Variants in GNA14 observed in about 807,000 individuals in gnomAD.
The protein encoded by GNA14 is G protein subunit alpha 14, also known as guanine nucleotide-binding protein subunit alpha-14.
A neutral mutation model predicts 42.0 loss-of-function variants in GNA14; 50 were observed. The ratio of observed to expected loss-of-function variants is 1.19; its 90% CI spans 0.95 to 1.51. The LOEUF is 1.51. Ranked by LOEUF, GNA14 falls within the 40% of genes most tolerant of loss-of-function variation. GNA14 has a pLI of 0.00. For missense variants in GNA14, 473 were observed against 446.2 expected, an observed-to-expected ratio of 1.06 and a Z score of -0.54; for synonymous variants, 173 against 163.1, an observed-to-expected ratio of 1.06 and a Z score of -0.46.
intron 1 of GNA14, among the ~76,000 whole-genome samples, chr9:77,616,576 C>G (rs1254641009): frequency 2.0e-5 from 3 of 152,310 alleles, no homozygotes; most frequent in South Asian, 2.1e-4. Context: ...GTATTACACA[C>G]GAGGTACAGG....
chr9:77,491,553 A>G (rs996851487), intron 2 of GNA14, among the ~76,000 whole-genome samples: 2 of 152,208 alleles, frequency 1.3e-5, no homozygotes, highest in Non-Finnish European at 2.9e-5. Context: ...AAAGACTGTA[A>G]AAAGAGACAA....
chr9:77,636,762 G>A (rs1395272772), intron 1 of GNA14, among the ~76,000 whole-genome samples: 1 of 152,154 alleles, frequency 6.6e-6, no homozygotes, highest in East Asian at 1.9e-4. Context: ...GATCTGACCC[G>A]ACGACCTAAA....
In GNA14 at chr9:77,597,931, G is replaced by A. The variant is rs79583113; in HGVS notation, c.124+49739C>T. ...ATACAAAAATTAGCTGGGCGTGGTG[G>A]TGCATGCTGAGACAGGAGAATAGCT... is the stretch of plus-strand genomic sequence containing the variant. On this transcript the variant is annotated intron_variant, in intron 1 of 6. Coordinates refer to ENST00000341700, the MANE Select transcript of GNA14 (RefSeq NM_004297.4). Among the ~76,000 whole-genome samples the A allele has an allele frequency of 8.7e-4, 132 of 152,180 alleles. 2 individuals are homozygous for A. In the East Asian group the frequency reaches 0.02, roughly 24 times the overall value.
At chr9:77,527,269 G>T (rs1837454306) in intron 2 of GNA14, among the ~76,000 whole-genome samples, 1 of 152,140 alleles carries the variant, frequency 6.6e-6, no homozygotes, top group Non-Finnish European at 1.5e-5. Flanking sequence ...AAAAAGAACT[G>T]TACCTTTTCA....
chr9:77,555,665 A>G (rs571457316), intron 1 of GNA14, among the ~76,000 whole-genome samples: 1 of 152,294 alleles, frequency 6.6e-6, no homozygotes, highest in South Asian at 2.1e-4. Context: ...GTCAAAACTA[A>G]AGAGTTGGAG....
At chr9:77,552,143 A>AG (rs1564051971) in intron 1 of GNA14, among the ~76,000 whole-genome samples, 1 of 150,394 alleles carries the variant, frequency 6.6e-6, no homozygotes, top group African/African-American at 2.5e-5. Context: ...AAAAAAAAAA[A>AG]AAAGAAAAAG....
At chr9:77,430,086 C>A (rs958101901) in intron 4 of GNA14, among the ~76,000 whole-genome samples, 3 of 152,170 alleles carry the variant, frequency 2.0e-5, no homozygotes, top group African/African-American at 7.2e-5. Context: ...CAGCCACTCC[C>A]ACAATGACAT....
At chr9:77,616,207 G>C (rs182235543) in intron 1 of GNA14, among the ~76,000 whole-genome samples, 63 of 152,268 alleles carry the variant, frequency 4.1e-4, no homozygotes, top group African/African-American at 1.4e-3. Flanking sequence ...AAGAGATCAA[G>C]GACATCAACA....
At chr9:77,537,460 A>G (rs1837611806) in intron 1 of GNA14, among the ~76,000 whole-genome samples, 1 of 152,072 alleles carries the variant, frequency 6.6e-6, no homozygotes, top group Non-Finnish European at 1.5e-5. Context: ...TATATACCAC[A>G]CTTTCTTTAT....
At chr9:77,444,479 A>C (rs995700062) in intron 2 of GNA14, among the ~76,000 whole-genome samples, 1 of 152,074 alleles carries the variant, frequency 6.6e-6, no homozygotes, top group Admixed American at 6.6e-5. Context: ...TGCAGGTTCC[A>C]CTTCATCCCC....
At chr9:77,641,862 A>G (rs1824272959) in intron 1 of GNA14, among the ~76,000 whole-genome samples, 1 of 152,174 alleles carries the variant, frequency 6.6e-6, no homozygotes, top group Non-Finnish European at 1.5e-5. Context: ...GATTATCCCT[A>G]TTTTTAGAAA....
rs200262758 is a variant in GNA14 at position 77,528,144 on chromosome 9, C to CAT, written c.309+923_309+924dup. Among the ~76,000 whole-genome samples the CAT allele has an allele frequency of 9.7e-3, 1,480 of 152,066 alleles. 34 individuals carry two copies. The highest frequency in any genetic ancestry group is 0.033 in the African/African-American group (1,354 of 41,444). ...TGATTGCTTTAAAACTTTTTTTAAT[C>CAT]ATATATATATGAGTATAGGTGCCAC... is the stretch of plus-strand genomic sequence containing the variant. On this transcript the variant is annotated intron_variant, in intron 2 of 6. Transcript: ENST00000341700.
At chr9:77,569,744 G>C (rs1004116376) in intron 1 of GNA14, among the ~76,000 whole-genome samples, 1 of 151,844 alleles carries the variant, frequency 6.6e-6, no homozygotes. Flanking sequence ...AGGGTAGTAG[G>C]GATATGTTTT....
intron 1 of GNA14, among the ~76,000 whole-genome samples, chr9:77,535,204 T>C (rs1174344684): frequency 6.6e-6 from 1 of 152,192 alleles, no homozygotes; most frequent in East Asian, 1.9e-4. Flanking sequence ...AGCAGGAGTT[T>C]CTGCACCTGT....
At chr9:77,606,973 A>C (rs1587846037) in intron 1 of GNA14, among the ~76,000 whole-genome samples, 2 of 152,206 alleles carry the variant, frequency 1.3e-5, no homozygotes, top group East Asian at 3.9e-4. Flanking sequence ...CAGGCAATGC[A>C]AGCCAGGGAG....
At chr9:77,508,580 C>T (rs879760926) in intron 2 of GNA14, among the ~76,000 whole-genome samples, 21 of 152,154 alleles carry the variant, frequency 1.4e-4, no homozygotes, top group Admixed American at 8.5e-4. Context: ...TATATGTGTG[C>T]GTGAGTGTAT....
At chr9:77,472,740 C>G (rs1836353193) in intron 2 of GNA14, among the ~76,000 whole-genome samples, 1 of 151,828 alleles carries the variant, frequency 6.6e-6, no homozygotes, top group African/African-American at 2.4e-5. Flanking sequence ...GAGAGTGGTG[C>G]CGTCACGATG....
intron 1 of GNA14, among the ~76,000 whole-genome samples, chr9:77,604,813 G>T (rs950989289): frequency 1.3e-5 from 2 of 152,202 alleles, no homozygotes; most frequent in African/African-American, 4.8e-5. Context: ...CGTAAACCCC[G>T]AAGATGCTAC....
At chr9:77,474,610 A>C (rs969784374) in intron 2 of GNA14, among the ~76,000 whole-genome samples, 1 of 152,224 alleles carries the variant, frequency 6.6e-6, no homozygotes, top group Admixed American at 6.5e-5. Context: ...CTAGTTAAGC[A>C]TAATTACTAA....
Sources: allele counts gnomAD v4.1 joint callset (sites outside exome capture counted in the v4.1 genomes callset), GRCh38; gene constraint gnomAD v4.1.1; transcripts MANE v1.5; gene names NCBI Gene and HGNC (gene_info 2026-07-23, HGNC 2026-07-21).